Variants in COX15 observed in about 807,000 individuals in gnomAD.
COX15 encodes cytochrome c oxidase assembly factor COX15, also known as heme A synthase COX15.
A neutral mutation model predicts 51.9 loss-of-function variants in COX15; 51 were observed. That is an observed-to-expected ratio of 0.98 (90% confidence interval 0.78 to 1.24). COX15 has a LOEUF of 1.24. Ranked by LOEUF, COX15 falls within the 50% of genes most tolerant of loss-of-function variation. The pLI, the probability that COX15 is intolerant of heterozygous loss-of-function variation, is 0.00. For synonymous variants in COX15, 188 were observed against 190.5 expected, an observed-to-expected ratio of 0.99 and a Z score of 0.11; for missense variants, 420 against 501.1, an observed-to-expected ratio of 0.84 and a Z score of 1.55.
At chr10:99,723,452 TA>T (rs1277859056) in intron 5 of COX15, among the ~76,000 whole-genome samples, 1 of 151,686 alleles carries the variant, frequency 6.6e-6, no homozygotes, top group Non-Finnish European at 1.5e-5. Context: ...AAGACTCATT[TA>T]AAAAAAAATT....
chr10:99,713,221 A>G lies in COX15; in HGVS notation c.*1366T>C, dbSNP rs2036453430. 9 of 1,398,712 alleles carry G rather than the reference A, an allele frequency of 6.4e-6. No individual in the cohort carries two copies. Among genetic ancestry groups the G allele is most frequent in the Non-Finnish European group, 7.6e-6 (8 of 1,059,268 alleles). The allele number at this position is 1,398,712 out of a possible 1,614,324, so 86.6% of individuals were successfully genotyped here. ...CATATTGAACCTGAGGACAACTAAA[A>G]TCCCGTCTTTTTTATATGAAATGAT... On this transcript the variant is annotated 3_prime_UTR_variant, in exon 9 of 9. Transcript: ENST00000016171.
At chr10:99,694,644 C>G in the COX15 span, among the ~76,000 whole-genome samples, 1 of 149,892 alleles carries the variant, frequency 6.7e-6, no homozygotes, top group Admixed American at 6.7e-5. Context: ...TCAAGCGATT[C>G]TCCTGCCTCA....
chr10:99,729,704 C>A lies in COX15; in HGVS notation c.121G>T (p.Gly41Trp), dbSNP rs1554842005. ...CDCIRRPLRPGQYSTISEVAL... is the reference protein window; with the variant it reads ...CDCIRRPLRPWQYSTISEVAL... ...ACTTCAGAGATGGTGCTGTATTGCC[C>A]TGGCCTCAAAGGGCGCCTGATGCAA... The change falls in exon 2 of 9, where the codon GGG becomes TGG. Residue 41 changes from glycine (G) to tryptophan (W), a missense_variant. Transcript: ENST00000016171. 5 of 1,614,132 alleles carry A rather than the reference C, an allele frequency of 3.1e-6. No individual in the cohort carries two copies. Among genetic ancestry groups the A allele is most frequent in the Middle Eastern group, 1.6e-4 (1 of 6,062 alleles).
Position 99,731,972 on chromosome 10 carries a change from C to A in COX15, c.78G>T (p.Ala26=), listed in dbSNP as rs375302709. Residue 26 remains alanine, a synonymous_variant, in exon 1 of 9, where the codon GCG becomes GCT. Coordinates refer to ENST00000016171, the MANE Select transcript of COX15 (RefSeq NM_078470.6). ...QYLPLLAPRA[A]PRAQCDCIRR... ...TGCAGTGCGGTACCTGTGCTCTAGG[C>A]GCTGCCCTAGGAGCCAGGAGCGGCA... The A allele has an allele frequency of 6.2e-7, 1 of 1,611,166 alleles. No individual in the cohort carries two copies. Among genetic ancestry groups the A allele is most frequent in the South Asian group, 1.1e-5 (1 of 90,496 alleles).
In COX15 at chr10:99,712,427, CTTA is replaced by C; in HGVS notation, c.*2157_*2159del. ...TTCACAGAAAAATCTAGATATGTGG[CTTA>C]TTTTTAAAAAACAGAAGATTTGCTG... On this transcript the variant is annotated 3_prime_UTR_variant, in exon 9 of 9. Coordinates refer to ENST00000016171, the MANE Select transcript of COX15 (RefSeq NM_078470.6). 1.0e-6 allele frequency: 1 copy of C among 985,252 alleles called. No individual in the cohort carries two copies. Among genetic ancestry groups the C allele is most frequent in the Non-Finnish European group, 1.2e-6 (1 of 829,860 alleles). The allele number at this position is 985,252 out of a possible 1,614,324, so 61.0% of individuals were successfully genotyped here. A position where few individuals can be genotyped will look rare whatever the true frequency, so the allele number is the denominator to read the frequency against.
At chr10:99,724,770 A>C (rs1019553440) in intron 4 of COX15, among the ~76,000 whole-genome samples, 55 of 152,342 alleles carry the variant, frequency 3.6e-4, no homozygotes, top group African/African-American at 1.3e-3. Context: ...ATATCTCATA[A>C]AACTAGATTG....
rs529046851 is a variant in COX15, at chr10:99,713,052, T to A, written c.*1535A>T. 8.5e-7 allele frequency: 1 copy of A among 1,174,880 alleles called. No individual in the cohort carries two copies. Among genetic ancestry groups the A allele is most frequent in the Middle Eastern group, 3.9e-4 (1 of 2,588 alleles). 72.8% of individuals were successfully genotyped at this position (1,174,880 alleles called of 1,614,324 possible). A position where few individuals can be genotyped will look rare whatever the true frequency, so the allele number is the denominator to read the frequency against. On this transcript the variant is annotated 3_prime_UTR_variant, in exon 9 of 9. Coordinates refer to ENST00000016171, the MANE Select transcript of COX15 (RefSeq NM_078470.6). Reference sequence around the variant, plus strand: ...TGGATACACACTTAGTGGCCATCAATATCTTGCTTAAATTTGGTACCCAGA... The same window carrying A: ...TGGATACACACTTAGTGGCCATCAAAATCTTGCTTAAATTTGGTACCCAGA...
At chr10:99,698,484 A>G in the COX15 span, 1 of 1,553,230 alleles carries the variant, frequency 6.4e-7, no homozygotes, top group Non-Finnish European at 8.8e-7. Flanking sequence ...ACTAGGTTGA[A>G]TACAGGCATG....
the COX15 span, chr10:99,696,031 G>A: frequency 3.7e-6 from 6 of 1,614,208 alleles, no homozygotes; most frequent in South Asian, 5.5e-5. Context: ...CGTGTACAGG[G>A]TTTATGTCAC....
chr10:99,699,388 AAT>A, the COX15 span, among the ~76,000 whole-genome samples: 1 of 152,162 alleles, frequency 6.6e-6, no homozygotes, highest in East Asian at 1.9e-4. Flanking sequence ...GAGGAGTAAA[AAT>A]TCACTCTGAG....
At chr10:99,710,537 A>G, downstream of COX15, 1 of 985,426 alleles carries the variant, frequency 1.0e-6, no homozygotes, top group Non-Finnish European at 1.2e-6. Context: ...ACATTAAACA[A>G]TAATTTTGTT....
downstream of COX15, chr10:99,708,912 G>A (rs982313344): frequency 5.1e-6 from 5 of 985,220 alleles, no homozygotes; most frequent in African/African-American, 3.5e-5. Flanking sequence ...AAAACAGCTG[G>A]CCACAACTAA....
At chr10:99,730,389 G>T (rs965998862) in intron 1 of COX15, among the ~76,000 whole-genome samples, 2 of 152,182 alleles carry the variant, frequency 1.3e-5, no homozygotes, top group African/African-American at 4.8e-5. Context: ...TTCAAGACCA[G>T]CCTGGCCAAA....
downstream of COX15, among the ~76,000 whole-genome samples, chr10:99,706,485 G>A (rs1252549541): frequency 6.8e-6 from 1 of 147,322 alleles, no homozygotes; most frequent in African/African-American, 2.5e-5. Flanking sequence ...ACAGGTGTGC[G>A]CCACCACACT....
chr10:99,731,878 T>C (rs2037161216), intron 1 of COX15, 82 bp downstream of exon 1: 25 of 1,526,886 alleles, frequency 1.6e-5, no homozygotes, highest in Non-Finnish European at 2.1e-5. Context: ...GGAAACGTGA[T>C]GTGGGGCTCT....
In COX15 at chr10:99,713,387, G is replaced by A. The variant is rs2036461085; in HGVS notation, c.*1200C>T. On this transcript the variant is annotated 3_prime_UTR_variant, in exon 9 of 9. Coordinates refer to ENST00000016171, the MANE Select transcript of COX15 (RefSeq NM_078470.6). ...GTTGCCACTGTCATCTATTATATTA[G>A]CAATATTGGGTTGCTCCATCCTCAA... 1 of 1,613,734 alleles carries A rather than the reference G, an allele frequency of 6.2e-7. No homozygotes were observed. Among genetic ancestry groups the A allele is most frequent in the Non-Finnish European group, 8.5e-7 (1 of 1,179,956 alleles).
the COX15 span, among the ~76,000 whole-genome samples, chr10:99,701,608 C>T: frequency 1.3e-5 from 2 of 151,342 alleles, no homozygotes; most frequent in African/African-American, 4.9e-5. Context: ...TTTTTTTTAA[C>T]TTTGTATTAT....
chr10:99,712,266 A>C lies in COX15; in HGVS notation c.*2321T>G. The C allele has an allele frequency of 1.0e-6, 1 of 985,440 alleles. No homozygotes were observed. 61.0% of individuals were successfully genotyped at this position (985,440 alleles called of 1,614,324 possible). ...GTCACAGAAACTTACAGAGTACTGGAGTTGAAAGAGAACTGAGATCACCTA... is the reference window on the plus strand; with the variant it reads ...GTCACAGAAACTTACAGAGTACTGGCGTTGAAAGAGAACTGAGATCACCTA... On this transcript the variant is annotated 3_prime_UTR_variant, in exon 9 of 9. Transcript: ENST00000016171.
chr10:99,695,415 A>G, the COX15 span, among the ~76,000 whole-genome samples: 3 of 152,080 alleles, frequency 2.0e-5, no homozygotes, highest in African/African-American at 7.2e-5. Flanking sequence ...CCAACTACTC[A>G]GGAGGCTGAG....
Sources: allele counts gnomAD v4.1 joint callset (sites outside exome capture counted in the v4.1 genomes callset), GRCh38; gene constraint gnomAD v4.1.1; transcripts MANE v1.5; gene names NCBI Gene and HGNC (gene_info 2026-07-23, HGNC 2026-07-21).